Variants in KHDRBS2 observed in about 807,000 individuals in gnomAD.
KHDRBS2 encodes KH RNA binding domain containing, signal transduction associated 2, also known as KH domain-containing, RNA-binding, signal transduction-associated protein 2.
In KHDRBS2, 26 loss-of-function variants were observed where a neutral mutation model predicts 44.3. The ratio of observed to expected loss-of-function variants is 0.59; its 90% CI spans 0.43 to 0.81. The LOEUF (loss-of-function observed/expected upper bound fraction) is 0.81. Among genes scored for constraint, KHDRBS2 ranks in the 40% least tolerant of loss-of-function variants. The pLI is 0.00. For synonymous variants in KHDRBS2, 194 were observed against 151.1 expected (o/e 1.28, Z -2.08); for missense variants, 476 against 433.1 (o/e 1.10, Z -0.88).
intron 7 of KHDRBS2, among the ~76,000 whole-genome samples, chr6:61,707,721 A>T (rs1295998620): frequency 4.0e-5 from 6 of 151,706 alleles, no homozygotes; most frequent in Non-Finnish European, 7.4e-5. Context: ...CTGTAAGTAG[A>T]TAGAAGTGAA....
At chr6:61,795,094 G>C (rs185408850) in intron 6 of KHDRBS2, among the ~76,000 whole-genome samples, 1 of 139,076 alleles carries the variant, frequency 7.2e-6, no homozygotes, top group African/African-American at 2.8e-5. Flanking sequence ...AGCCGAGATC[G>C]TGCCACTGCA....
At chr6:62,245,428 A>T (rs145772305) in intron 1 of KHDRBS2, among the ~76,000 whole-genome samples, 10 of 152,250 alleles carry the variant, frequency 6.6e-5, no homozygotes, top group Non-Finnish European at 1.3e-4. Context: ...ATCCTTTGAA[A>T]ACCTGACATC....
chr6:62,050,553 TA>T (rs1259164173), intron 2 of KHDRBS2, among the ~76,000 whole-genome samples: 2 of 151,868 alleles, frequency 1.3e-5, no homozygotes, highest in Non-Finnish European at 2.9e-5. Context: ...CTAATATCTA[TA>T]ATCTATAAAG....
At chr6:61,595,982 G>A in the KHDRBS2 span, among the ~76,000 whole-genome samples, 9 of 151,844 alleles carry the variant, frequency 5.9e-5, no homozygotes, top group Admixed American at 1.3e-4. Context: ...AGGCATCATC[G>A]AGGATGGCTG....
the KHDRBS2 span, among the ~76,000 whole-genome samples, chr6:61,580,322 GC>G: frequency 6.6e-6 from 1 of 152,140 alleles, no homozygotes; most frequent in Non-Finnish European, 1.5e-5. Context: ...TCTGTGTCTA[GC>G]TAAAGGATTG....
chr6:62,224,340 C>T (rs1200491380), intron 1 of KHDRBS2, among the ~76,000 whole-genome samples: 1 of 152,130 alleles, frequency 6.6e-6, no homozygotes, highest in Non-Finnish European at 1.5e-5. Flanking sequence ...CACCAGATCC[C>T]TCCCAAAACA....
chr6:62,172,234 C>G (rs1820155601), intron 2 of KHDRBS2, among the ~76,000 whole-genome samples: 2 of 152,078 alleles, frequency 1.3e-5, no homozygotes, highest in Non-Finnish European at 2.9e-5. Context: ...GGAGAAAAAT[C>G]TACCAAGCAA....
chr6:61,877,743 C>G (rs1799638735), intron 6 of KHDRBS2, among the ~76,000 whole-genome samples: 1 of 151,942 alleles, frequency 6.6e-6, no homozygotes, highest in African/African-American at 2.4e-5. Flanking sequence ...TAAAACATCT[C>G]TTTAGAAAAT....
the KHDRBS2 span, among the ~76,000 whole-genome samples, chr6:61,556,533 C>T: frequency 2.0e-5 from 3 of 152,130 alleles, no homozygotes; most frequent in Non-Finnish European, 4.4e-5. Context: ...TGAGAAAATG[C>T]CTACCAAATA....
At chr6:61,703,734 T>C (rs1231711340) in intron 7 of KHDRBS2, among the ~76,000 whole-genome samples, 2 of 151,364 alleles carry the variant, frequency 1.3e-5, no homozygotes, top group African/African-American at 4.9e-5. Context: ...CATGTAGATA[T>C]ATCAACTCTC....
intron 1 of KHDRBS2, among the ~76,000 whole-genome samples, chr6:62,203,106 G>A (rs1265118833): frequency 6.6e-6 from 1 of 152,124 alleles, no homozygotes; most frequent in Non-Finnish European, 1.5e-5. Flanking sequence ...GCAGTAGAAG[G>A]AGCCAGGGGA....
At chr6:61,901,596 C>G (rs1323217282) in intron 4 of KHDRBS2, among the ~76,000 whole-genome samples, 2 of 152,060 alleles carry the variant, frequency 1.3e-5, no homozygotes, top group Non-Finnish European at 2.9e-5. Flanking sequence ...CAAGAAAGTA[C>G]TCAGCAGGAC....
intron 3 of KHDRBS2, among the ~76,000 whole-genome samples, chr6:61,992,273 T>C (rs9445769): frequency 0.24 from 36,899 of 152,106 alleles, 4,806 homozygotes; most frequent in African/African-American, 0.32. Flanking sequence ...TTTAGCTTAC[T>C]TGTTCCATCT....
intron 4 of KHDRBS2, among the ~76,000 whole-genome samples, chr6:61,948,293 T>A (rs771672328): frequency 6.6e-6 from 1 of 152,150 alleles, no homozygotes; most frequent in South Asian, 2.1e-4. Context: ...TTAATATTTG[T>A]TCATTATTTT....
chr6:61,640,687 C>A, the KHDRBS2 span, among the ~76,000 whole-genome samples: 2 of 152,098 alleles, frequency 1.3e-5, no homozygotes, highest in Non-Finnish European at 1.5e-5. Context: ...ACCAACAGCC[C>A]TGTAAAAGAC....
the KHDRBS2 span, among the ~76,000 whole-genome samples, chr6:61,547,639 G>A: frequency 1.8e-4 from 28 of 151,976 alleles, no homozygotes; most frequent in Admixed American, 1.5e-3. Flanking sequence ...ATCACTTCGA[G>A]AGTTTGAAAA....
intron 3 of KHDRBS2, among the ~76,000 whole-genome samples, chr6:61,993,673 A>ATATAT (rs1425839225): frequency 1.5e-4 from 17 of 115,680 alleles, no homozygotes; most frequent in African/African-American, 5.2e-4. Context: ...ATATATATAT[A>ATATAT]TTTTTTTTTT....
chr6:61,560,399 C>T, the KHDRBS2 span, among the ~76,000 whole-genome samples: 2 of 152,078 alleles, frequency 1.3e-5, no homozygotes, highest in African/African-American at 4.8e-5. Flanking sequence ...AAACTTCCTA[C>T]CCCTATCTCC....
chr6:62,233,468 T>C (rs538681679), intron 1 of KHDRBS2, among the ~76,000 whole-genome samples: 4 of 152,302 alleles, frequency 2.6e-5, no homozygotes, highest in Non-Finnish European at 4.4e-5. Context: ...AGTAACAGCA[T>C]AGTTAACAAA....
Sources: gnomAD v4.1 joint callset for allele counts (sites outside exome capture counted in the v4.1 genomes callset) on GRCh38, gnomAD v4.1.1 for gene constraint, MANE v1.5 for transcripts, NCBI Gene and HGNC (gene_info 2026-07-23, HGNC 2026-07-21) for gene names.